Variants in C6 observed in about 807,000 individuals in gnomAD.
The protein encoded by C6 is complement C6.
A neutral mutation model predicts 112.9 loss-of-function variants in C6; 101 were observed. The ratio of observed to expected loss-of-function variants is 0.89; its 90% CI spans 0.76 to 1.06. C6 has a LOEUF of 1.06. C6 is among the 50% of genes least tolerant of loss of function. C6 has a pLI of 0.00. For synonymous variants in C6, 431 were observed against 384.1 expected, an observed-to-expected ratio of 1.12 and a Z score of -1.43; for missense variants, 1,202 against 1,104.6, an observed-to-expected ratio of 1.09 and a Z score of -1.25.
chr5:41,166,008 G>T (rs1580090129), intron 9 of C6, among the ~76,000 whole-genome samples: 1 of 152,074 alleles, frequency 6.6e-6, no homozygotes, highest in Non-Finnish European at 1.5e-5. Context: ...TCAATAGTAA[G>T]TCTGTGAATT....
At chr5:41,166,367 C>G (rs1411009244) in intron 9 of C6, among the ~76,000 whole-genome samples, 1 of 151,914 alleles carries the variant, frequency 6.6e-6, no homozygotes, top group Non-Finnish European at 1.5e-5. Flanking sequence ...TTCTTTTCCT[C>G]TCTATGCCTC....
At chr5:41,166,814 T>A (rs1235261604) in intron 9 of C6, among the ~76,000 whole-genome samples, 8 of 150,290 alleles carry the variant, frequency 5.3e-5, no homozygotes, top group Admixed American at 4.6e-4. Flanking sequence ...ATTTTGAAAT[T>A]TTTCAATTTT....
Position 41,149,337 on chromosome 5 carries a change from A to G in C6, c.2527T>C (p.Leu843=), listed in dbSNP as rs775016225. 1.9e-6 allele frequency: 3 copies of G among 1,613,968 alleles called. No individual in the cohort carries two copies. The African/African-American group carries it at 4.0e-5, about 22-fold the overall frequency. Residue 843 remains leucine (L), a synonymous_variant, in exon 17 of 18, where the codon TTA becomes CTA. Coordinates refer to ENST00000337836, the MANE Select transcript of C6 (RefSeq NM_000065.5). ...HIGSCQDGRQ[L]EWGLERTRLS... ...CTTGTCCTTTCAAGACCCCATTCTA[A>G]CTGGCGGCCGTCTTGGCAGGAACCA...
At chr5:41,259,849 T>C (rs1741937499) in intron 1 of C6, among the ~76,000 whole-genome samples, 1 of 152,224 alleles carries the variant, frequency 6.6e-6, no homozygotes, top group Admixed American at 6.5e-5. Flanking sequence ...AGGGGTGCTG[T>C]TGGCATTATG....
chr5:41,261,284 A>C, exon 1 of C6: 1 of 736,894 alleles, frequency 1.4e-6, no homozygotes, highest in South Asian at 6.1e-5. Flanking sequence ...TCTTATTATG[A>C]GCTCTCAGCA....
chr5:41,180,011 A>T (rs1561135081), intron 7 of C6, among the ~76,000 whole-genome samples: 1 of 152,130 alleles, frequency 6.6e-6, no homozygotes, highest in African/African-American at 2.4e-5. Flanking sequence ...TGAATTAAAA[A>T]TGCGTATATG....
intron 8 of C6, among the ~76,000 whole-genome samples, chr5:41,173,767 T>C (rs866799555): frequency 9.9e-5 from 15 of 152,138 alleles, no homozygotes; most frequent in Admixed American, 6.6e-5. Flanking sequence ...ACTGGGCCTG[T>C]CTACCTCATT....
intron 5 of C6, among the ~76,000 whole-genome samples, chr5:41,191,204 C>G (rs544759344): frequency 1.3e-5 from 2 of 150,618 alleles, no homozygotes; most frequent in East Asian, 2.0e-4. Flanking sequence ...GTAGCTGGGA[C>G]TACAGATGCC....
At chr5:41,191,601 A>G (rs1456176120) in intron 5 of C6, among the ~76,000 whole-genome samples, 1 of 152,098 alleles carries the variant, frequency 6.6e-6, no homozygotes, top group Non-Finnish European at 1.5e-5. Context: ...TCAGTGTTTT[A>G]TAGTTTTCCT....
intron 1 of C6, among the ~76,000 whole-genome samples, chr5:41,230,065 A>G (rs1041352017): frequency 1.3e-5 from 2 of 152,160 alleles, no homozygotes; most frequent in African/African-American, 4.8e-5. Flanking sequence ...TAATACTCTT[A>G]TAATTTCTTA....
In C6 at chr5:41,181,797, C is replaced by T. The variant is rs181913556; in HGVS notation, c.727-238G>A. On this transcript the variant is annotated intron_variant, in intron 6 of 17. Coordinates refer to ENST00000337836, the MANE Select transcript of C6 (RefSeq NM_000065.5). ...TAAGTACTGTGTGACCAGTGGAATC[C>T]CACAGGAAATATAAGACCCTGAGAG... 2.6e-5 allele frequency among the ~76,000 whole-genome samples: 4 copies of T among 152,148 alleles called. No homozygotes were observed. In the East Asian group the frequency reaches 7.7e-4, roughly 29 times the overall value.
chr5:41,209,998 G>C (rs1030123840), intron 1 of C6, among the ~76,000 whole-genome samples: 4 of 152,096 alleles, frequency 2.6e-5, no homozygotes, highest in Non-Finnish European at 5.9e-5. Flanking sequence ...AAAACAGCAT[G>C]GTACTGGTAC....
intron 9 of C6, among the ~76,000 whole-genome samples, chr5:41,169,271 ACATATG>A (rs998038653): frequency 2.0e-5 from 3 of 152,000 alleles, no homozygotes; most frequent in Non-Finnish European, 4.4e-5. Context: ...CTTCCCCAAC[ACATATG>A]CATATGCATA....
chr5:41,211,202 A>G (rs113877760), intron 1 of C6, among the ~76,000 whole-genome samples: 2 of 152,270 alleles, frequency 1.3e-5, no homozygotes, highest in African/African-American at 4.8e-5. Context: ...ACACTTGGAC[A>G]CAGGGTGGTG....
chr5:41,145,595 G>GA lies in C6; in HGVS notation c.2624-2590dup, dbSNP rs756245950. 8.5e-5 allele frequency among the ~76,000 whole-genome samples: 13 copies of GA among 152,308 alleles called. No homozygotes were observed. In the South Asian group the frequency reaches 1.4e-3, roughly 17 times the overall value. ...TTTCCCATGTGTCTCAACTGATGGG[G>GA]AAAAATAGGGAAAGGAAGTAGGAGA... On this transcript the variant is annotated intron_variant, in intron 17 of 17. Transcript: ENST00000337836.
At position 41,149,359 on chromosome 5, in the gene C6, A is replaced by C; in HGVS notation, c.2505T>G (p.Gly835=). The C allele has an allele frequency of 4.3e-6, 7 of 1,614,080 alleles. No individual in the cohort carries two copies. The highest frequency in any genetic ancestry group is 1.3e-5 in the African/African-American group (1 of 75,028). Residue 835 remains glycine (G), a synonymous_variant, in exon 17 of 18, where the codon GGT becomes GGG. Transcript: ENST00000337836. Reference sequence around the variant, plus strand: ...CTAACTGGCGGCCGTCTTGGCAGGAACCAATATGTAGAAAATGGAGTTGCT... The same window carrying C: ...CTAACTGGCGGCCGTCTTGGCAGGACCCAATATGTAGAAAATGGAGTTGCT... ...NNQQLHFLHI[G]SCQDGRQLEW...
chr5:41,154,897 G>A (rs1319992189), intron 14 of C6, 75 bp downstream of exon 14: 2 of 1,408,426 alleles, frequency 1.4e-6, no homozygotes, highest in African/African-American at 1.4e-5. Flanking sequence ...ATCTAAGGAT[G>A]TGATTTTACT....
chr5:41,227,651 C>T (rs575930683), intron 1 of C6, among the ~76,000 whole-genome samples: 2 of 152,154 alleles, frequency 1.3e-5, no homozygotes, highest in South Asian at 2.1e-4. Flanking sequence ...TTTTTGTATA[C>T]AATGTGAGAT....
intron 17 of C6, among the ~76,000 whole-genome samples, chr5:41,143,286 G>A (rs998018637): frequency 9.9e-5 from 15 of 152,150 alleles, no homozygotes; most frequent in African/African-American, 3.6e-4. Flanking sequence ...AAGCCAGTAA[G>A]CTTAAAGAGT....
Sources: gnomAD v4.1 joint callset for allele counts (sites outside exome capture counted in the v4.1 genomes callset) on GRCh38, gnomAD v4.1.1 for gene constraint, MANE v1.5 for transcripts, NCBI Gene and HGNC (gene_info 2026-07-23, HGNC 2026-07-21) for gene names.